WASHC2A: variants seen among roughly 807,000 people sequenced by gnomAD.
WASHC2A encodes WASH complex subunit FAM21A.
WASHC2A carries 82 observed loss-of-function variants against 140.3 expected under a neutral mutation model. The ratio of observed to expected loss-of-function variants is 0.58; its 90% CI spans 0.49 to 0.70. The LOEUF is 0.70. WASHC2A is among the 30% of genes least tolerant of loss of function. The pLI is 0.00. For synonymous variants in WASHC2A, 340 were observed against 560.8 expected, an observed-to-expected ratio of 0.61 and a Z score of 5.56; for missense variants, 985 against 1,521.8, an observed-to-expected ratio of 0.65 and a Z score of 5.87.
rs1325098678 is a variant in WASHC2A, at chr10:50,103,314, C to T, written c.1636-728C>T. Among the ~76,000 whole-genome samples the T allele has an allele frequency of 3.3e-4, 50 of 151,702 alleles. 1 individual carries two copies. Among genetic ancestry groups the T allele is most frequent in the African/African-American group, 1.1e-3 (47 of 41,444 alleles). Reference sequence around the variant, plus strand: ...GTGGCTCAAGCCTGTAATCCCAGCACTTGTGGAAGCCGAGGCGGGCGGATC... The same window carrying T: ...GTGGCTCAAGCCTGTAATCCCAGCATTTGTGGAAGCCGAGGCGGGCGGATC... On this transcript the variant is annotated intron_variant, in intron 17 of 30. Transcript: ENST00000282633.
chr10:50,126,042 T>G lies in WASHC2A; in HGVS notation c.2689-15T>G. On this transcript the variant is annotated splice_polypyrimidine_tract_variant and intron_variant, in intron 25 of 30. Coordinates refer to ENST00000282633, the MANE Select transcript of WASHC2A (RefSeq NM_001005751.3). ...AGATATTTGATGGCTTTTTGGTATT[T>G]TTTTTCTTTTGAAGGTACAAGAGAA... 6.2e-7 allele frequency: 1 copy of G among 1,611,862 alleles called. No individual in the cohort carries two copies. The highest frequency in any genetic ancestry group is 1.7e-4 in the Middle Eastern group (1 of 6,054).
intron 30 of WASHC2A, 21 bp from the exon 31 acceptor site, chr10:50,132,785 T>G: frequency 6.2e-7 from 1 of 1,612,000 alleles, no homozygotes; most frequent in Non-Finnish European, 8.5e-7. Flanking sequence ...CAGCAACCGT[T>G]CTTCTTTTTT....
intron 17 of WASHC2A, among the ~76,000 whole-genome samples, chr10:50,102,419 T>C (rs2805191): frequency 0.28 from 42,957 of 152,000 alleles, 6,861 homozygotes; most frequent in Middle Eastern, 0.4. Flanking sequence ...ACTGTGATGT[T>C]GACATTTGTT....
In WASHC2A at chr10:50,130,950, A is replaced by G; in HGVS notation, c.3758A>G (p.Glu1253Gly). ...ATTAAACCCTCTCAGAAAACCAGAGAGAAGGAGAAAACATTGGAATCTAAT... is the reference window on the plus strand; with the variant it reads ...ATTAAACCCTCTCAGAAAACCAGAGGGAAGGAGAAAACATTGGAATCTAAT... ...EAIKPSQKTR[E>G]KEKTLESNLF... is the part of the protein sequence containing the mutation. The change falls in exon 30 of 31, where the codon GAG becomes GGG. Residue 1253 changes from glutamate (E) to glycine (G), a missense_variant. Physicochemically the swap from Glu to Gly is moderately conservative, Grantham distance 98 (BLOSUM62 -2). Coordinates refer to ENST00000282633, the MANE Select transcript of WASHC2A (RefSeq NM_001005751.3). The G allele has an allele frequency of 6.2e-7, 1 of 1,610,488 alleles. No individual in the cohort carries two copies. Among genetic ancestry groups the G allele is most frequent in the Non-Finnish European group, 8.5e-7 (1 of 1,179,322 alleles).
At chr10:50,072,215 G>A (rs1346865553) in intron 3 of WASHC2A, among the ~76,000 whole-genome samples, 4 of 148,474 alleles carry the variant, frequency 2.7e-5, no homozygotes, top group Non-Finnish European at 4.5e-5. Context: ...CTCCCAAAGT[G>A]CTAGGATTAC....
At position 50,130,024 on chromosome 10, in the gene WASHC2A, A is replaced by G; in HGVS notation, c.3693A>G (p.Thr1231=). 6.2e-7 allele frequency: 1 copy of G among 1,611,900 alleles called. No individual in the cohort carries two copies. The highest frequency in any genetic ancestry group is 1.1e-5 in the South Asian group (1 of 90,974). ...GTCAGCAGGATGTCATATTAACAAC[A>G]CAAGATATTTTTGAGGTAATAGGAC... ...SNSQQDVILT[T]QDIFEDDIFA... Residue 1231 remains threonine (T), a synonymous_variant, in exon 29 of 31, where the codon ACA becomes ACG. Transcript: ENST00000282633.
intron 2 of WASHC2A, among the ~76,000 whole-genome samples, chr10:50,069,144 C>T (rs1309656351): frequency 6.6e-6 from 1 of 151,970 alleles, no homozygotes; most frequent in Non-Finnish European, 1.5e-5. Flanking sequence ...ACCAGCATTC[C>T]AGCCGGGCAC....
intron 3 of WASHC2A, among the ~76,000 whole-genome samples, chr10:50,076,221 G>T (rs112137267): frequency 4.6e-5 from 7 of 151,164 alleles, no homozygotes; most frequent in Admixed American, 4.6e-4. Flanking sequence ...GATTACAGGC[G>T]TGAGCCTCCT....
chr10:50,107,620 A>AG (rs1271289790), intron 19 of WASHC2A, among the ~76,000 whole-genome samples: 7 of 151,760 alleles, frequency 4.6e-5, no homozygotes, highest in African/African-American at 1.7e-4. Flanking sequence ...TGCAAAAAAA[A>AG]ATGTATTAAA....
intron 20 of WASHC2A, 150 bp downstream of exon 20, chr10:50,110,420 C>T (rs1842184013): frequency 1.0e-6 from 1 of 1,003,184 alleles, no homozygotes; most frequent in Non-Finnish European, 1.5e-6. Flanking sequence ...TCAATGGCAC[C>T]ATCTTTTCCC....
chr10:50,124,220 C>G (rs1843225816), intron 23 of WASHC2A, among the ~76,000 whole-genome samples: 1 of 151,966 alleles, frequency 6.6e-6, no homozygotes, highest in Non-Finnish European at 1.5e-5. Context: ...TCTCCCACCT[C>G]AGCCTCCCAA....
At chr10:50,101,072 G>A (rs1475529818) in intron 17 of WASHC2A, among the ~76,000 whole-genome samples, 8 of 152,304 alleles carry the variant, frequency 5.3e-5, no homozygotes, top group Non-Finnish European at 8.8e-5. Flanking sequence ...CTCACAGCAA[G>A]GATGAACATG....
At chr10:50,075,984 G>A (rs1174499784) in intron 3 of WASHC2A, among the ~76,000 whole-genome samples, 4 of 151,040 alleles carry the variant, frequency 2.6e-5, no homozygotes, top group South Asian at 2.1e-4. Flanking sequence ...GTGCAATCTC[G>A]GCTCACTGCA....
intron 14 of WASHC2A, 36 bp downstream of exon 14, chr10:50,095,243 C>G: frequency 6.8e-7 from 1 of 1,467,754 alleles, no homozygotes; most frequent in Non-Finnish European, 9.2e-7. Context: ...AAAAACTACA[C>G]AAATACTGTT....
rs563559800 is a variant in WASHC2A at position 50,130,057 on chromosome 10, G to A, written c.3708+18G>A. 112 of 1,611,716 alleles carry A rather than the reference G, an allele frequency of 6.9e-5. No individual in the cohort carries two copies. The African/African-American group carries it at 1.2e-3, about 17-fold the overall frequency. ...TTTTTGAGGTAATAGGACTTAACAC[G>A]TTTTTGTGTCTGTTCTAAGTTAAGG... On this transcript the variant is annotated intron_variant, in intron 29 of 30. Transcript: ENST00000282633.
intron 3 of WASHC2A, among the ~76,000 whole-genome samples, chr10:50,072,386 T>C (rs1413403879): frequency 7.2e-5 from 11 of 152,166 alleles, no homozygotes; most frequent in African/African-American, 2.4e-4. Context: ...GTTTTTTTAA[T>C]TTGTGGCAAA....
intron 21 of WASHC2A, among the ~76,000 whole-genome samples, chr10:50,114,685 CATACTCT>C (rs1842552463): frequency 1.5e-5 from 1 of 68,814 alleles, no homozygotes; most frequent in Non-Finnish European, 2.7e-5. Context: ...TGGGGAACTT[CATACTCT>C]CAATGCCTTT....
intron 8 of WASHC2A, among the ~76,000 whole-genome samples, chr10:50,090,353 A>G (rs1434786666): frequency 6.7e-6 from 1 of 149,756 alleles, no homozygotes; most frequent in Admixed American, 6.7e-5. Context: ...AATACAAAAA[A>G]TTTGCTGGGC....
Position 50,090,826 on chromosome 10 carries a change from T to C in WASHC2A, c.783T>C (p.Leu261=), listed in dbSNP as rs2132549106. The change falls in exon 9 of 31, where the codon CTT becomes CTC. Residue 261 remains leucine, a synonymous_variant. Transcript: ENST00000282633. ...AAGAGGATGATGATGGCTGTGACCT[T>C]TTCGCTGACTCTGAGAAGGAGGAGG... ...DEEEDDDGCD[L]FADSEKEEED... 6.2e-7 allele frequency: 1 copy of C among 1,611,686 alleles called. No homozygotes were observed. The highest frequency in any genetic ancestry group is 1.3e-5 in the African/African-American group (1 of 74,888).
Sources: gnomAD v4.1 joint callset for allele counts (sites outside exome capture counted in the v4.1 genomes callset) on GRCh38, gnomAD v4.1.1 for gene constraint, MANE v1.5 for transcripts, NCBI Gene and HGNC (gene_info 2026-07-23, HGNC 2026-07-21) for gene names.